The following KLK2 variants were observed in gnomAD, a reference collection of about 807,000 sequenced individuals.
KLK2 encodes the protein kallikrein-2.
A neutral mutation model predicts 23.0 loss-of-function variants in KLK2; 17 were observed. That is an observed-to-expected ratio of 0.74 (90% CI 0.51 to 1.11). KLK2 has a LOEUF of 1.11. Among genes scored for constraint, KLK2 ranks in the 50% least tolerant of loss-of-function variants. The probability of loss-of-function intolerance (pLI) is 0.00; values close to 1 mark genes in which losing one functional copy is unlikely to be tolerated. For synonymous variants in KLK2, 140 were observed against 124.7 expected, an observed-to-expected ratio of 1.12 and a Z score of -0.82; for missense variants, 330 against 325.9, an observed-to-expected ratio of 1.01 and a Z score of -0.10.
chr19:50,879,856 G>A lies in KLK2; in HGVS notation c.*1297G>A, dbSNP rs998127867. On this transcript the variant is annotated 3_prime_UTR_variant, in exon 5 of 5. Coordinates refer to ENST00000325321, the MANE Select transcript of KLK2 (RefSeq NM_005551.5). ...GTCATCTCCCAGGAGTTATTCAAGG[G>A]TGAGCCCTTTACTTGGGATGTACAG... The A allele has an allele frequency of 1.3e-5, 3 of 229,982 alleles. No homozygotes were observed. Among genetic ancestry groups the A allele is most frequent in the African/African-American group, 2.2e-5 (1 of 45,158 alleles). The allele number at this position is 229,982 out of a possible 1,614,324, so 14.2% of individuals were successfully genotyped here.
chr19:50,877,160 C>A, intron 4 of KLK2, 152 bp downstream of exon 4: 1 of 909,790 alleles, frequency 1.1e-6, no homozygotes, highest in South Asian at 1.6e-5. Context: ...CGCCCTCCTT[C>A]CCCCTTCCCT....
In KLK2 at chr19:50,876,547, C is replaced by T. The variant is rs1568503465; in HGVS notation, c.282C>T (p.His94=). The T allele has an allele frequency of 8.7e-6, 14 of 1,614,222 alleles. No homozygotes were observed. In the Middle Eastern group the frequency reaches 8.2e-4, roughly 95 times the overall value. The stretch of plus-strand genomic sequence containing the variant: ...CAGGCCAGAGGGTCCCTGTCAGCCA[C>T]AGCTTCCCACACCCGCTCTACAATA... The part of the protein sequence containing the change: ...EDTGQRVPVS[H]SFPHPLYNMS... The change falls in exon 3 of 5, where the codon CAC becomes CAT. Residue 94 remains histidine (H), a synonymous_variant. Coordinates refer to ENST00000325321, the MANE Select transcript of KLK2 (RefSeq NM_005551.5).
rs2123487692 is a variant in KLK2, at chr19:50,879,739, C to T, written c.*1180C>T. 1 of 229,666 alleles carries T rather than the reference C, an allele frequency of 4.4e-6. No individual in the cohort carries two copies. The allele number at this position is 229,666 out of a possible 1,614,324, so 14.2% of individuals were successfully genotyped here. ...CAGATGTACAAAAACAGGGATTCAT[C>T]ACAAATCCCATCTTTAGCATGAAGG... On this transcript the variant is annotated 3_prime_UTR_variant, in exon 5 of 5. Coordinates refer to ENST00000325321, the MANE Select transcript of KLK2 (RefSeq NM_005551.5).
Position 50,878,751 on chromosome 19 carries a change from A to G in KLK2, c.*192A>G, listed in dbSNP as rs747230481. ...GCTAGGAAAAGGAATGGGCAGACAC[A>G]GGTGTATGCCAATGTTTCTGAAATG... On this transcript the variant is annotated 3_prime_UTR_variant, in exon 5 of 5. Transcript: ENST00000325321. 3.8e-6 allele frequency: 2 copies of G among 527,686 alleles called. No homozygotes were observed. Among genetic ancestry groups the G allele is most frequent in the South Asian group, 3.2e-5 (1 of 31,472 alleles). 32.7% of individuals were successfully genotyped at this position (527,686 alleles called of 1,614,324 possible).
intron 2 of KLK2, among the ~76,000 whole-genome samples, chr19:50,875,463 T>C (rs2090273055): frequency 1.3e-5 from 2 of 151,984 alleles, no homozygotes; most frequent in South Asian, 4.2e-4. Context: ...TGTAGCTGGG[T>C]GCACAATTGA....
At chr19:50,876,782 G>T in intron 3 of KLK2, 24 bp downstream of exon 3, 2 of 1,611,618 alleles carry the variant, frequency 1.2e-6, no homozygotes, top group Non-Finnish European at 1.7e-6. Context: ...AGATGGTGTA[G>T]CTGGGAGCCC....
rs2090315045 is a variant in KLK2, at chr19:50,878,748, C to A, written c.*189C>A. 1 of 541,008 alleles carries A rather than the reference C, an allele frequency of 1.8e-6. No homozygotes were observed. The highest frequency in any genetic ancestry group is 3.3e-6 in the Non-Finnish European group (1 of 301,438). The allele number at this position is 541,008 out of a possible 1,614,324, so 33.5% of individuals were successfully genotyped here. On this transcript the variant is annotated 3_prime_UTR_variant, in exon 5 of 5. Coordinates refer to ENST00000325321, the MANE Select transcript of KLK2 (RefSeq NM_005551.5). The stretch of plus-strand genomic sequence containing the variant: ...GCTGCTAGGAAAAGGAATGGGCAGA[C>A]ACAGGTGTATGCCAATGTTTCTGAA...
chr19:50,874,711 C>A lies in KLK2; in HGVS notation c.47-10C>A. 1 of 1,604,776 alleles carries A rather than the reference C, an allele frequency of 6.2e-7. No homozygotes were observed. Among genetic ancestry groups the A allele is most frequent in the Non-Finnish European group, 8.5e-7 (1 of 1,175,784 alleles). Reference sequence around the variant, plus strand: ...GGTCTGATCCCCCTGACCCAGCACCCCCTCCGCAGGTGCCGTGCCCCTCAT... The same window carrying A: ...GGTCTGATCCCCCTGACCCAGCACCACCTCCGCAGGTGCCGTGCCCCTCAT... On this transcript the variant is annotated splice_polypyrimidine_tract_variant and intron_variant, in intron 1 of 4. Transcript: ENST00000325321.
At position 50,874,418 on chromosome 19, in the gene KLK2, A is replaced by G. The variant is rs188485482; in HGVS notation, c.47-303A>G. On this transcript the variant is annotated intron_variant, in intron 1 of 4. Transcript: ENST00000325321. ...CCCTTCTCCCAGTGTAAGACCCCAA[A>G]TCACTCCAAATGACCCAACCCCCAA... is the stretch of plus-strand genomic sequence containing the variant. 49 of 247,130 alleles carry G rather than the reference A, an allele frequency of 2.0e-4. 1 individual carries two copies. The East Asian group carries it at 2.2e-3, about 11-fold the overall frequency. 15.3% of individuals were successfully genotyped at this position (247,130 alleles called of 1,614,324 possible). A position where few individuals can be genotyped will look rare whatever the true frequency, so the allele number is the denominator to read the frequency against.
Position 50,878,457 on chromosome 19 carries a change from A to G in KLK2, c.684A>G (p.Ser228=). The G allele has an allele frequency of 1.2e-6, 2 of 1,614,052 alleles. No individual in the cohort carries two copies. Among genetic ancestry groups the G allele is most frequent in the South Asian group, 1.1e-5 (1 of 91,084 alleles). The part of the protein sequence containing the change: ...VCNGVLQGIT[S]WGPEPCALPE... ...ATGGTGTGCTTCAAGGTATCACATC[A>G]TGGGGCCCTGAGCCATGTGCCCTGC... is the stretch of plus-strand genomic sequence containing the variant. Residue 228 remains serine (S), a synonymous_variant, in exon 5 of 5, where the codon TCA becomes TCG. Coordinates refer to ENST00000325321, the MANE Select transcript of KLK2 (RefSeq NM_005551.5).
intron 1 of KLK2, 193 bp from the exon 2 acceptor site, chr19:50,874,528 C>T (rs2123476553): frequency 1.9e-6 from 1 of 531,954 alleles, no homozygotes; most frequent in East Asian, 3.2e-5. Context: ...AGCCTCCCGA[C>T]CTGGTCCAGC....
chr19:50,879,179 G>C lies in KLK2; in HGVS notation c.*620G>C. 1 of 233,084 alleles carries C rather than the reference G, an allele frequency of 4.3e-6. No individual in the cohort carries two copies. The highest frequency in any genetic ancestry group is 8.5e-6 in the Non-Finnish European group (1 of 117,964). The allele number at this position is 233,084 out of a possible 1,614,324, so 14.4% of individuals were successfully genotyped here. A position where few individuals can be genotyped will look rare whatever the true frequency, so the allele number is the denominator to read the frequency against. On this transcript the variant is annotated 3_prime_UTR_variant, in exon 5 of 5. Coordinates refer to ENST00000325321, the MANE Select transcript of KLK2 (RefSeq NM_005551.5). ...GTTCAGGTCCCCCAAACCACCGTCA[G>C]ATTTGATGATTTCCTAGCAGGACTT...
chr19:50,877,276 C>T, intron 4 of KLK2: 1 of 536,350 alleles, frequency 1.9e-6, no homozygotes. Context: ...GCCGTAGACC[C>T]TGGGAAGCAG....
At chr19:50,873,831 G>A in intron 1 of KLK2, 2 of 399,156 alleles carry the variant, frequency 5.0e-6, no homozygotes, top group Non-Finnish European at 9.0e-6. Context: ...CTCTCTCCAT[G>A]CCACTGGTTC....
In KLK2 at chr19:50,876,668, G is replaced by T; in HGVS notation, c.403G>T (p.Val135Phe). ...RLSEPAKITD[V>F]VKVLGLPTQE... is the part of the protein sequence containing the mutation. ...GTCAGAGCCTGCCAAGATCACAGAT[G>T]TTGTGAAGGTCCTGGGCCTGCCCAC... The change falls in exon 3 of 5, where the codon GTT (valine) becomes TTT (phenylalanine). Residue 135 changes from valine to phenylalanine, a missense_variant. Physicochemically the swap from Val to Phe is conservative, Grantham distance 50 (BLOSUM62 -1). Transcript: ENST00000325321. The T allele has an allele frequency of 6.2e-7, 1 of 1,614,222 alleles. No homozygotes were observed. Among genetic ancestry groups the T allele is most frequent in the Non-Finnish European group, 8.5e-7 (1 of 1,180,036 alleles).
chr19:50,877,342 G>T, intron 4 of KLK2: 1 of 395,292 alleles, frequency 2.5e-6, no homozygotes, highest in Non-Finnish European at 4.7e-6. Flanking sequence ...CTGGTGAGGG[G>T]CACTGGCAGG....
Position 50,876,535 on chromosome 19 carries a change from C to A in KLK2, c.270C>A (p.Val90=). 1 of 1,614,206 alleles carries A rather than the reference C, an allele frequency of 6.2e-7. No individual in the cohort carries two copies. Among genetic ancestry groups the A allele is most frequent in the Non-Finnish European group, 8.5e-7 (1 of 1,180,036 alleles). The change falls in exon 3 of 5, where the codon GTC becomes GTA. Residue 90 remains valine (V), a synonymous_variant. Coordinates refer to ENST00000325321, the MANE Select transcript of KLK2 (RefSeq NM_005551.5). ...LFEPEDTGQR[V]PVSHSFPHPL... is the part of the protein sequence containing the mutation. ...AGCCTGAAGACACAGGCCAGAGGGT[C>A]CCTGTCAGCCACAGCTTCCCACACC...
intron 1 of KLK2, chr19:50,874,504 T>C: frequency 2.1e-6 from 1 of 486,908 alleles, no homozygotes; most frequent in Non-Finnish European, 3.7e-6. Context: ...GTCAGCTCCG[T>C]TCTCAGAGCA....
intron 2 of KLK2, 122 bp downstream of exon 2, chr19:50,875,002 T>C (rs555915607): frequency 7.0e-7 from 1 of 1,418,524 alleles, no homozygotes; most frequent in East Asian, 2.7e-5. Context: ...GGGAAGGTCC[T>C]GGCCCAGGTC....
Sources: gnomAD v4.1 joint callset for allele counts (sites outside exome capture counted in the v4.1 genomes callset) on GRCh38, gnomAD v4.1.1 for gene constraint, MANE v1.5 for transcripts, NCBI Gene and HGNC (gene_info 2026-07-23, HGNC 2026-07-21) for gene names.